Variants in KIAA1958 observed in about 807,000 individuals in gnomAD.
The protein encoded by KIAA1958 is uncharacterized protein KIAA1958.
In KIAA1958, 14 loss-of-function variants were observed where a neutral mutation model predicts 47.2. That is an observed-to-expected ratio of 0.30 (90% confidence interval 0.20 to 0.46). KIAA1958 has a LOEUF of 0.46. Among genes scored for constraint, KIAA1958 ranks in the 20% least tolerant of loss-of-function variants. The probability of loss-of-function intolerance (pLI) is 1.00; values close to 1 mark genes in which losing one functional copy is unlikely to be tolerated. For missense variants in KIAA1958, 803 were observed against 909.2 expected, an observed-to-expected ratio of 0.88 and a Z score of 1.50; for synonymous variants, 354 against 353.3, an observed-to-expected ratio of 1.00 and a Z score of -0.02.
intron 1 of KIAA1958, among the ~76,000 whole-genome samples, chr9:112,545,241 T>TA (rs1835007750): frequency 6.6e-6 from 1 of 152,232 alleles, no homozygotes; most frequent in Admixed American, 6.5e-5. Flanking sequence ...AAACGGTTGT[T>TA]ACCTGATGAT....
chr9:112,521,423 A>G (rs1175622031), intron 1 of KIAA1958, among the ~76,000 whole-genome samples: 1 of 152,118 alleles, frequency 6.6e-6, no homozygotes, highest in East Asian at 1.9e-4. Context: ...TCTGTTGCCC[A>G]GTTTGGTCTC....
At position 112,487,138 on chromosome 9, in the gene KIAA1958, C is replaced by T; in HGVS notation, c.-25+20C>T. On this transcript the variant is annotated intron_variant, in intron 1 of 3. Coordinates refer to ENST00000337530, the MANE Select transcript of KIAA1958 (RefSeq NM_133465.4). ...CTGCAGGTGGGTGAGAGCCCGCGCG[C>T]GGGGCGGGGACGAGTGCGCCGACGC... is the stretch of plus-strand genomic sequence containing the variant. 1 of 202,538 alleles carries T rather than the reference C, an allele frequency of 4.9e-6. No individual in the cohort carries two copies. The highest frequency in any genetic ancestry group is 1.0e-5 in the Non-Finnish European group (1 of 98,600). 12.5% of individuals were successfully genotyped at this position (202,538 alleles called of 1,614,324 possible).
At chr9:112,607,099 G>A (rs1397728821) in intron 2 of KIAA1958, among the ~76,000 whole-genome samples, 1 of 152,186 alleles carries the variant, frequency 6.6e-6, no homozygotes, top group Non-Finnish European at 1.5e-5. Context: ...GTTCATGCCT[G>A]TAATCCCAAC....
Position 112,543,226 on chromosome 9 carries a change from G to GTTGTTTGTTTGT in KIAA1958, c.-24-30816_-24-30805dup, listed in dbSNP as rs61382078. On this transcript the variant is annotated intron_variant, in intron 1 of 3. Transcript: ENST00000337530. Reference sequence around the variant, plus strand: ...TCTTAGCCTATTTGTTTTTGTTGTTGTTGTTTGTTTGTTTGTTTGTTTGTT... The same window carrying GTTGTTTGTTTGT: ...TCTTAGCCTATTTGTTTTTGTTGTTGTTGTTTGTTTGTTTGTTTGTTTGTTTGTTTGTTTGTT... 4.1e-3 allele frequency among the ~76,000 whole-genome samples: 623 copies of GTTGTTTGTTTGT among 151,004 alleles called. 3 individuals carry two copies. Among genetic ancestry groups the GTTGTTTGTTTGT allele is most frequent in the African/African-American group, 7.3e-3 (298 of 41,088 alleles).
At chr9:112,512,332 C>G (rs1327727211) in intron 1 of KIAA1958, among the ~76,000 whole-genome samples, 1 of 151,850 alleles carries the variant, frequency 6.6e-6, no homozygotes, top group Non-Finnish European at 1.5e-5. Context: ...TTATGGAATG[C>G]AAGCTTAACA....
intron 1 of KIAA1958, among the ~76,000 whole-genome samples, chr9:112,543,226 G>GT (rs112944046): frequency 1.7e-4 from 26 of 151,004 alleles, no homozygotes; most frequent in East Asian, 3.9e-4. Context: ...TTTTGTTGTT[G>GT]TTGTTTGTTT....
intron 1 of KIAA1958, among the ~76,000 whole-genome samples, chr9:112,572,193 C>T (rs1041123878): frequency 9.2e-5 from 14 of 151,936 alleles, no homozygotes; most frequent in African/African-American, 2.7e-4. Flanking sequence ...TTACACTATC[C>T]GGGAGAAAAC....
intron 1 of KIAA1958, among the ~76,000 whole-genome samples, chr9:112,551,686 G>A (rs1481976318): frequency 2.0e-5 from 3 of 152,124 alleles, no homozygotes; most frequent in Non-Finnish European, 4.4e-5. Context: ...AGAGAGGGAT[G>A]TTTTTGCAGA....
chr9:112,599,832 T>A (rs1457579185), intron 2 of KIAA1958, among the ~76,000 whole-genome samples: 1 of 152,216 alleles, frequency 6.6e-6, no homozygotes, highest in African/African-American at 2.4e-5. Flanking sequence ...GCAGCAGATA[T>A]TTCAGACATA....
chr9:112,579,860 G>A (rs915689372), intron 2 of KIAA1958, among the ~76,000 whole-genome samples: 1 of 152,168 alleles, frequency 6.6e-6, no homozygotes, highest in Non-Finnish European at 1.5e-5. Context: ...GTTGAAATAA[G>A]TTAAAGGAGA....
At chr9:112,644,007 G>A (rs956286231) in intron 2 of KIAA1958, among the ~76,000 whole-genome samples, 1 of 152,040 alleles carries the variant, frequency 6.6e-6, no homozygotes, top group South Asian at 2.1e-4. Context: ...ACAAAAACCC[G>A]TTTCTACTAA....
intron 1 of KIAA1958, among the ~76,000 whole-genome samples, chr9:112,491,269 A>C (rs1833963017): frequency 6.6e-6 from 1 of 152,202 alleles, no homozygotes; most frequent in Non-Finnish European, 1.5e-5. Context: ...TCCAGCCATA[A>C]CTTTAAAAAA....
chr9:112,532,471 T>C (rs1000479875), intron 1 of KIAA1958, among the ~76,000 whole-genome samples: 2 of 152,236 alleles, frequency 1.3e-5, no homozygotes, highest in Non-Finnish European at 2.9e-5. Context: ...CCTGCCTCTT[T>C]CCTTTCTATC....
intron 2 of KIAA1958, among the ~76,000 whole-genome samples, chr9:112,589,361 C>A (rs997022010): frequency 6.6e-6 from 1 of 152,146 alleles, no homozygotes; most frequent in Non-Finnish European, 1.5e-5. Context: ...CTTTGGGAGG[C>A]TGAGGCTGGT....
At chr9:112,573,501 C>A (rs1835575367) in intron 1 of KIAA1958, among the ~76,000 whole-genome samples, 1 of 152,160 alleles carries the variant, frequency 6.6e-6, no homozygotes, top group African/African-American at 2.4e-5. Context: ...TCCTTGGACT[C>A]CCAGTTGCAT....
intron 2 of KIAA1958, among the ~76,000 whole-genome samples, chr9:112,598,572 G>A (rs140616641): frequency 7.3e-4 from 111 of 152,238 alleles, no homozygotes; most frequent in African/African-American, 2.4e-3. Flanking sequence ...TAAATCCAAT[G>A]CCAAACCCTT....
intron 2 of KIAA1958, among the ~76,000 whole-genome samples, chr9:112,590,983 A>G (rs1025312072): frequency 1.3e-5 from 2 of 152,002 alleles, no homozygotes; most frequent in Non-Finnish European, 2.9e-5. Flanking sequence ...ATATCTAAGA[A>G]CTCTGCTCTG....
intron 3 of KIAA1958, among the ~76,000 whole-genome samples, chr9:112,651,789 A>C (rs950146088): frequency 6.6e-6 from 1 of 152,218 alleles, no homozygotes; most frequent in African/African-American, 2.4e-5. Context: ...ACCAAGAAGA[A>C]ATCACAAAGG....
At chr9:112,599,498 A>G (rs1267983798) in intron 2 of KIAA1958, among the ~76,000 whole-genome samples, 1 of 152,162 alleles carries the variant, frequency 6.6e-6, no homozygotes, top group Non-Finnish European at 1.5e-5. Context: ...TTTTTTCTGA[A>G]GAGTCAGATA....
Sources: allele counts gnomAD v4.1 joint callset (sites outside exome capture counted in the v4.1 genomes callset), GRCh38; gene constraint gnomAD v4.1.1; transcripts MANE v1.5; gene names NCBI Gene and HGNC (gene_info 2026-07-23, HGNC 2026-07-21).